CHN1: variants seen among roughly 807,000 people sequenced by gnomAD.
The protein encoded by CHN1 is chimerin 1.
Under a neutral mutation model 59.5 loss-of-function variants are expected in CHN1, and 37 were observed. That is an observed-to-expected ratio of 0.62 (90% confidence interval 0.48 to 0.82). CHN1 has a LOEUF of 0.82. Among genes scored for constraint, CHN1 ranks in the 40% least tolerant of loss-of-function variants. The probability of loss-of-function intolerance (pLI) is 0.00; values close to 1 mark genes in which losing one functional copy is unlikely to be tolerated. For synonymous variants in CHN1, 206 were observed against 200.4 expected (o/e 1.03, Z -0.24); for missense variants, 469 against 571.0 (o/e 0.82, Z 1.82).
chr2:174,840,930 A>G (rs889778796), intron 7 of CHN1, among the ~76,000 whole-genome samples: 25 of 152,190 alleles, frequency 1.6e-4, no homozygotes, highest in African/African-American at 5.8e-4. Flanking sequence ...GACAAAAAAC[A>G]TACTGATAAG....
chr2:174,876,568 T>C (rs1210866251), intron 6 of CHN1, among the ~76,000 whole-genome samples: 2 of 152,186 alleles, frequency 1.3e-5, no homozygotes, highest in Non-Finnish European at 2.9e-5. Flanking sequence ...AATATGAATA[T>C]ATAAAAAAAC....
At chr2:174,903,083 T>G (rs970021775) in intron 5 of CHN1, among the ~76,000 whole-genome samples, 2 of 152,228 alleles carry the variant, frequency 1.3e-5, no homozygotes, top group African/African-American at 4.8e-5. Flanking sequence ...TAATAGAATT[T>G]TATCAGTATT....
intron 12 of CHN1, among the ~76,000 whole-genome samples, chr2:174,801,032 G>A (rs1366429691): frequency 6.6e-6 from 1 of 151,950 alleles, no homozygotes; most frequent in East Asian, 1.9e-4. Context: ...GTTTCTGATT[G>A]GTTTTATACT....
At chr2:174,946,820 T>TC (rs1047547094) in intron 2 of CHN1, among the ~76,000 whole-genome samples, 1 of 151,106 alleles carries the variant, frequency 6.6e-6, no homozygotes, top group African/African-American at 2.4e-5. Context: ...TCCCAGCACT[T>TC]TGGGAGGCCA....
chr2:174,936,763 T>C (rs1689510597), intron 3 of CHN1, among the ~76,000 whole-genome samples: 1 of 152,162 alleles, frequency 6.6e-6, no homozygotes. Flanking sequence ...AGACTTTCAC[T>C]TTACTTGCTA....
rs955207037 is a variant in CHN1, at chr2:174,799,101, C to T, written c.*1015G>A. On this transcript the variant is annotated 3_prime_UTR_variant, in exon 13 of 13. Coordinates refer to ENST00000409900, the MANE Select transcript of CHN1 (RefSeq NM_001822.7). ...CAAATCAAATGTTTAGAAGAAGTTA[C>T]TCTTTTTAGTTAGCCTCTTTCTTCT... Among the ~76,000 whole-genome samples, 2 of 152,244 alleles carry T rather than the reference C, an allele frequency of 1.3e-5. No homozygotes were observed. The highest frequency in any genetic ancestry group is 4.8e-5 in the African/African-American group (2 of 41,462).
At chr2:174,852,544 A>C (rs377111353) in intron 6 of CHN1, among the ~76,000 whole-genome samples, 1 of 152,222 alleles carries the variant, frequency 6.6e-6, no homozygotes, top group Non-Finnish European at 1.5e-5. Context: ...CTGTCAGATT[A>C]CCAACATCAT....
chr2:174,854,674 T>C (rs1167051272), intron 6 of CHN1, among the ~76,000 whole-genome samples: 1 of 152,184 alleles, frequency 6.6e-6, no homozygotes, highest in Non-Finnish European at 1.5e-5. Flanking sequence ...ACTTATGGTA[T>C]AGAATTATTA....
chr2:174,810,471 C>T (rs532869714), intron 10 of CHN1, among the ~76,000 whole-genome samples: 1 of 152,286 alleles, frequency 6.6e-6, no homozygotes, highest in African/African-American at 2.4e-5. Context: ...TCCATAGGAA[C>T]ATTCAGTTTC....
intron 11 of CHN1, 52 bp downstream of exon 11, chr2:174,808,853 A>G: frequency 1.9e-6 from 3 of 1,593,794 alleles, no homozygotes; most frequent in East Asian, 2.2e-5. Context: ...CAGGAAGGTG[A>G]TTACCAAGAG....
chr2:174,997,747 A>G (rs1333372644), intron 1 of CHN1, among the ~76,000 whole-genome samples: 1 of 152,134 alleles, frequency 6.6e-6, no homozygotes, highest in African/African-American at 2.4e-5. Context: ...AAAAGATACA[A>G]AAGGCCGGGT....
At chr2:174,846,241 C>A in intron 7 of CHN1, 9 of 1,497,936 alleles carry the variant, frequency 6.0e-6, no homozygotes, top group Non-Finnish European at 8.0e-6. Flanking sequence ...ACACACATAT[C>A]ACCTTGAAAG....
intron 5 of CHN1, among the ~76,000 whole-genome samples, chr2:174,904,384 TTTTG>T (rs775967079): frequency 1.6e-4 from 25 of 152,302 alleles, no homozygotes; most frequent in African/African-American, 2.9e-4. Flanking sequence ...TTTTTGAATT[TTTTG>T]TTTGTTTGTT....
chr2:174,917,605 A>C (rs1027048522), intron 4 of CHN1, among the ~76,000 whole-genome samples: 5 of 152,172 alleles, frequency 3.3e-5, no homozygotes, highest in African/African-American at 1.2e-4. Context: ...ATATGGTGTT[A>C]CTTCCAATAG....
chr2:174,870,284 G>A (rs765689998), intron 6 of CHN1, among the ~76,000 whole-genome samples: 3 of 152,072 alleles, frequency 2.0e-5, no homozygotes, highest in South Asian at 2.1e-4. Context: ...AAAGAATCCC[G>A]TTACTGCAAT....
At chr2:174,811,674 G>C (rs1240459245) in intron 9 of CHN1, 86 bp from the exon 10 acceptor site, 1 of 738,310 alleles carries the variant, frequency 1.4e-6, no homozygotes, top group East Asian at 2.8e-5. Flanking sequence ...GAGGTAATGT[G>C]TCAGAAGAAA....
At chr2:174,810,400 A>G (rs888799022) in intron 10 of CHN1, among the ~76,000 whole-genome samples, 8 of 152,216 alleles carry the variant, frequency 5.3e-5, no homozygotes, top group African/African-American at 1.4e-4. Flanking sequence ...TTTTCAGGTC[A>G]CAAAATGGTT....
intron 3 of CHN1, 124 bp downstream of exon 3, chr2:174,944,764 A>T: frequency 1.6e-6 from 1 of 632,372 alleles, no homozygotes. Context: ...TCAAGTTATA[A>T]TTTTATCATA....
chr2:174,865,674 A>G (rs376093809), intron 6 of CHN1, among the ~76,000 whole-genome samples: 9 of 152,260 alleles, frequency 5.9e-5, no homozygotes, highest in African/African-American at 2.2e-4. Context: ...CAGACTTTCA[A>G]TGTTCTAAGG....
Sources: allele counts gnomAD v4.1 joint callset (sites outside exome capture counted in the v4.1 genomes callset), GRCh38; gene constraint gnomAD v4.1.1; transcripts MANE v1.5; gene names NCBI Gene and HGNC (gene_info 2026-07-23, HGNC 2026-07-21).